SPOCK3: variants seen among roughly 807,000 people sequenced by gnomAD.
The protein encoded by SPOCK3 is testican-3.
SPOCK3 carries 30 observed loss-of-function variants against 56.6 expected under a neutral mutation model. The ratio of observed to expected loss-of-function variants is 0.53; its 90% CI spans 0.40 to 0.72. The LOEUF is 0.72. Among genes scored for constraint, SPOCK3 ranks in the 30% least tolerant of loss-of-function variants. SPOCK3 has a pLI of 0.00. For missense variants in SPOCK3, 527 were observed against 530.0 expected, an observed-to-expected ratio of 0.99 and a Z score of 0.06; for synonymous variants, 196 against 183.3, an observed-to-expected ratio of 1.07 and a Z score of -0.56.
At chr4:167,078,761 C>T (rs1284220105) in intron 2 of SPOCK3, among the ~76,000 whole-genome samples, 1 of 151,556 alleles carries the variant, frequency 6.6e-6, no homozygotes. Flanking sequence ...TATTTAATTT[C>T]CAAGTGCAAG....
At chr4:167,158,886 GGAAA>G (rs1765042306) in intron 2 of SPOCK3, among the ~76,000 whole-genome samples, 1 of 151,772 alleles carries the variant, frequency 6.6e-6, no homozygotes, top group East Asian at 1.9e-4. Flanking sequence ...TTTTTTCCAT[GGAAA>G]GATCTCAGTA....
intron 6 of SPOCK3, among the ~76,000 whole-genome samples, chr4:166,805,944 T>C (rs1743116512): frequency 6.6e-6 from 1 of 152,102 alleles, no homozygotes; most frequent in Non-Finnish European, 1.5e-5. Context: ...AATCTAAAAC[T>C]GCATTCAAGT....
rs768002472 is a variant in SPOCK3 at position 167,000,470 on chromosome 4, A to G, written c.236-7T>C. 6.9e-7 allele frequency: 1 copy of G among 1,439,722 alleles called. No individual in the cohort carries two copies. The highest frequency in any genetic ancestry group is 9.6e-7 in the Non-Finnish European group (1 of 1,041,080). The allele number at this position is 1,439,722 out of a possible 1,614,324, so 89.2% of individuals were successfully genotyped here. Reference sequence around the variant, plus strand: ...TCCTTAGCTGGATCTAAAGCTAAAAAAATTGCAAAGAAAATATTAAAATAA... The same window carrying G: ...TCCTTAGCTGGATCTAAAGCTAAAAGAATTGCAAAGAAAATATTAAAATAA... On this transcript the variant is annotated splice_polypyrimidine_tract_variant and splice_region_variant and intron_variant, in intron 3 of 10. Transcript: ENST00000357545.
chr4:167,172,745 T>C (rs940415797), intron 2 of SPOCK3, among the ~76,000 whole-genome samples: 4 of 152,160 alleles, frequency 2.6e-5, no homozygotes, highest in Non-Finnish European at 5.9e-5. Context: ...TGTATACATC[T>C]ATATATGTGT....
chr4:167,007,382 G>T (rs1316468510), intron 3 of SPOCK3, among the ~76,000 whole-genome samples: 1 of 152,058 alleles, frequency 6.6e-6, no homozygotes, highest in Non-Finnish European at 1.5e-5. Flanking sequence ...CAATGTAAAT[G>T]CTATAAAATA....
chr4:167,046,145 T>A (rs1753689688), intron 3 of SPOCK3, among the ~76,000 whole-genome samples: 1 of 152,144 alleles, frequency 6.6e-6, no homozygotes, highest in Non-Finnish European at 1.5e-5. Context: ...CTCTTTTTGC[T>A]TGCATGGTTT....
intron 6 of SPOCK3, among the ~76,000 whole-genome samples, chr4:166,800,501 G>A (rs1214221864): frequency 1.3e-5 from 2 of 152,056 alleles, no homozygotes. Context: ...GACAAGATGT[G>A]GAGGTGGAAG....
intron 6 of SPOCK3, among the ~76,000 whole-genome samples, chr4:166,839,276 T>C (rs1746973722): frequency 6.6e-6 from 1 of 152,150 alleles, no homozygotes; most frequent in Non-Finnish European, 1.5e-5. Flanking sequence ...CTCCTGGTTA[T>C]GGATGAGTGA....
chr4:167,033,392 CATTATT>C (rs55774234), intron 3 of SPOCK3, among the ~76,000 whole-genome samples: 91,811 of 146,430 alleles, frequency 0.63, 31,436 homozygotes, highest in East Asian at 0.84. Flanking sequence ...AGCAATTATT[CATTATT>C]ATTATTATTA....
intron 2 of SPOCK3, among the ~76,000 whole-genome samples, chr4:167,122,407 C>T (rs750811396): frequency 6.6e-6 from 1 of 152,154 alleles, no homozygotes; most frequent in South Asian, 2.1e-4. Context: ...ACTTCAGCCT[C>T]CCATTAATAA....
intron 5 of SPOCK3, among the ~76,000 whole-genome samples, chr4:166,891,882 T>A (rs908539602): frequency 1.3e-5 from 2 of 151,968 alleles, no homozygotes; most frequent in African/African-American, 4.8e-5. Flanking sequence ...TTATAGCTAA[T>A]ATTACATTTT....
At chr4:167,209,311 T>C (rs894951530) in intron 2 of SPOCK3, among the ~76,000 whole-genome samples, 5 of 152,146 alleles carry the variant, frequency 3.3e-5, no homozygotes, top group African/African-American at 1.2e-4. Flanking sequence ...GAAGCAAATA[T>C]GTTTTTTGAT....
intron 3 of SPOCK3, among the ~76,000 whole-genome samples, chr4:167,008,851 G>A (rs982563877): frequency 1.3e-5 from 2 of 151,998 alleles, no homozygotes; most frequent in African/African-American, 4.8e-5. Context: ...CAAGAAGGGA[G>A]GGAAGCAGGG....
chr4:167,002,753 C>T (rs1749069472), intron 3 of SPOCK3, among the ~76,000 whole-genome samples: 1 of 152,078 alleles, frequency 6.6e-6, no homozygotes. Flanking sequence ...AAGTGTATGA[C>T]TTCTTGTTGG....
intron 2 of SPOCK3, among the ~76,000 whole-genome samples, chr4:167,075,644 T>C (rs1307241679): frequency 6.6e-6 from 1 of 151,966 alleles, no homozygotes; most frequent in Admixed American, 6.6e-5. Context: ...ATTTTGCTTT[T>C]TTCTTTCTGT....
intron 6 of SPOCK3, among the ~76,000 whole-genome samples, chr4:166,850,659 C>T (rs540556373): frequency 1.1e-4 from 17 of 152,324 alleles, no homozygotes; most frequent in South Asian, 6.2e-4. Flanking sequence ...ACTCGGGAAG[C>T]GCAAGGGGTC....
chr4:166,798,630 A>G (rs941138455), intron 6 of SPOCK3, among the ~76,000 whole-genome samples: 3 of 152,242 alleles, frequency 2.0e-5, no homozygotes, highest in Admixed American at 6.5e-5. Flanking sequence ...GATCTGGATT[A>G]AAGAGCAGAC....
chr4:166,896,007 A>G (rs2127033033), intron 5 of SPOCK3, among the ~76,000 whole-genome samples: 1 of 152,280 alleles, frequency 6.6e-6, no homozygotes, highest in Non-Finnish European at 1.5e-5. Context: ...CAGGGCCCAG[A>G]TCACACATTT....
intron 2 of SPOCK3, among the ~76,000 whole-genome samples, chr4:167,086,651 C>T (rs1479298020): frequency 6.6e-6 from 1 of 152,050 alleles, no homozygotes; most frequent in East Asian, 1.9e-4. Flanking sequence ...TTCTTCCAAG[C>T]CCAGAGGAAG....
Sources: gnomAD v4.1 joint callset for allele counts (sites outside exome capture counted in the v4.1 genomes callset) on GRCh38, gnomAD v4.1.1 for gene constraint, MANE v1.5 for transcripts, NCBI Gene and HGNC (gene_info 2026-07-23, HGNC 2026-07-21) for gene names.